The following PRKN variants were observed in gnomAD, a reference collection of about 807,000 sequenced individuals.
PRKN encodes the protein E3 ubiquitin-protein ligase parkin.
PRKN carries 56 observed loss-of-function variants against 59.5 expected under a neutral mutation model. That is an observed-to-expected ratio of 0.94 (90% CI 0.76 to 1.18). The LOEUF (loss-of-function observed/expected upper bound fraction) is 1.18, where lower values mean the gene tolerates loss of function less well. Among genes scored for constraint, PRKN ranks in the 50% most tolerant of loss-of-function variants. The probability of loss-of-function intolerance (pLI) is 0.00; values close to 1 mark genes in which losing one functional copy is unlikely to be tolerated. For missense variants in PRKN, 657 were observed against 596.4 expected (o/e 1.10, Z -1.06); for synonymous variants, 250 against 222.1 (o/e 1.13, Z -1.12).
chr6:162,123,123 A>C (rs1298023092), intron 4 of PRKN, among the ~76,000 whole-genome samples: 1 of 152,154 alleles, frequency 6.6e-6, no homozygotes, highest in Non-Finnish European at 1.5e-5. Context: ...CACAATTTCT[A>C]GGGAAAAACT....
At chr6:162,663,234 T>C (rs763139099) in intron 1 of PRKN, among the ~76,000 whole-genome samples, 1 of 152,128 alleles carries the variant, frequency 6.6e-6, no homozygotes, top group Non-Finnish European at 1.5e-5. Context: ...AATAACCCTG[T>C]GAGGCAGGCA....
intron 7 of PRKN, among the ~76,000 whole-genome samples, chr6:161,712,186 G>C (rs1232958716): frequency 6.6e-6 from 1 of 152,136 alleles, no homozygotes; most frequent in African/African-American, 2.4e-5. Context: ...GAAATCACTT[G>C]GGAGAATATT....
At chr6:162,684,226 T>G (rs1779881884) in intron 1 of PRKN, among the ~76,000 whole-genome samples, 1 of 152,130 alleles carries the variant, frequency 6.6e-6, no homozygotes, top group Non-Finnish European at 1.5e-5. Flanking sequence ...TTATCTTTGT[T>G]GAAGTATGCC....
At chr6:162,609,578 C>G (rs1236320045) in intron 1 of PRKN, among the ~76,000 whole-genome samples, 1 of 152,114 alleles carries the variant, frequency 6.6e-6, no homozygotes, top group African/African-American at 2.4e-5. Flanking sequence ...CTCAAACTGC[C>G]TTTTTAGGTA....
chr6:161,656,595 C>A (rs909680988), intron 7 of PRKN, among the ~76,000 whole-genome samples: 1 of 152,108 alleles, frequency 6.6e-6, no homozygotes, highest in Admixed American at 6.5e-5. Flanking sequence ...ACGTTTCAGT[C>A]CTTTAACCAG....
At chr6:162,040,459 G>T (rs1167779586) in intron 5 of PRKN, among the ~76,000 whole-genome samples, 1 of 149,946 alleles carries the variant, frequency 6.7e-6, no homozygotes, top group African/African-American at 2.5e-5. Context: ...AGGCTGGAGT[G>T]CAATGGCACG....
At chr6:162,433,733 T>A (rs956242572) in intron 2 of PRKN, among the ~76,000 whole-genome samples, 1 of 152,180 alleles carries the variant, frequency 6.6e-6, no homozygotes, top group Non-Finnish European at 1.5e-5. Context: ...ATGTTTTTGA[T>A]GAATTACGCA....
intron 5 of PRKN, among the ~76,000 whole-genome samples, chr6:161,985,871 C>T (rs1384313971): frequency 3.3e-5 from 5 of 152,126 alleles, no homozygotes; most frequent in Non-Finnish European, 7.3e-5. Context: ...GTGGTTTGAG[C>T]TCAGCAGGAT....
chr6:162,498,183 T>A (rs1050001220), intron 1 of PRKN, among the ~76,000 whole-genome samples: 2 of 152,112 alleles, frequency 1.3e-5, no homozygotes, highest in African/African-American at 4.8e-5. Context: ...TTTGTGCTTA[T>A]TGCTACTTAC....
Position 161,414,922 on chromosome 6 carries a change from C to T in PRKN, c.1084-28045G>A, listed in dbSNP as rs757893229. Among the ~76,000 whole-genome samples, 2 of 152,194 alleles carry T rather than the reference C, an allele frequency of 1.3e-5. No individual in the cohort carries two copies. The highest frequency in any genetic ancestry group is 2.4e-5 in the African/African-American group (1 of 41,428). On this transcript the variant is annotated intron_variant, in intron 9 of 11. Transcript: ENST00000366898. This position sits in a 1 kb window ranked among gnomAD's most constrained non-coding sequence, Gnocchi z 5.3. ...AAATGCCTTTTGAAAGGGAGCTAGG[C>T]ATAGGAGGAATTCACTTTCTTCCAC...
intron 7 of PRKN, among the ~76,000 whole-genome samples, chr6:161,654,488 G>C (rs1468046727): frequency 2.0e-5 from 3 of 152,172 alleles, no homozygotes; most frequent in Non-Finnish European, 4.4e-5. Context: ...GAGGATAGAA[G>C]ACGATCAAGG....
chr6:162,701,986 G>C (rs888976121), intron 1 of PRKN, among the ~76,000 whole-genome samples: 1 of 151,214 alleles, frequency 6.6e-6, no homozygotes, highest in Admixed American at 6.6e-5. Context: ...TTAAACCAAG[G>C]GTTTTAAAAA....
chr6:162,282,367 G>A (rs1184800623), intron 2 of PRKN, among the ~76,000 whole-genome samples: 1 of 149,940 alleles, frequency 6.7e-6, no homozygotes, highest in Non-Finnish European at 1.5e-5. Context: ...TTCACTCAAA[G>A]TGATAAAAAT....
chr6:161,638,810 C>T (rs1001613974), intron 7 of PRKN, among the ~76,000 whole-genome samples: 5 of 142,846 alleles, frequency 3.5e-5, no homozygotes, highest in South Asian at 2.2e-4. Flanking sequence ...GGCACGATCT[C>T]GGCTTACTGC....
intron 2 of PRKN, among the ~76,000 whole-genome samples, chr6:162,312,672 A>C (rs149461005): frequency 6.6e-6 from 1 of 152,178 alleles, no homozygotes; most frequent in African/African-American, 2.4e-5. Flanking sequence ...AAGTTCATTT[A>C]CATAAGTGGT....
chr6:161,564,258 A>G (rs1372314135), intron 8 of PRKN, among the ~76,000 whole-genome samples: 1 of 152,174 alleles, frequency 6.6e-6, no homozygotes, highest in Non-Finnish European at 1.5e-5. Flanking sequence ...TGTCATGAAT[A>G]ATCAGGATAT....
rs558617330 is a variant in PRKN at position 162,158,539 on chromosome 6, C to T, written c.534+42592G>A. ...CTCCGCCTCCCGGGTTTAAGCAATT[C>T]TCCTGCCTCATCCTCCAGAGTAGCT... On this transcript the variant is annotated intron_variant, in intron 4 of 11. Coordinates refer to ENST00000366898, the MANE Select transcript of PRKN (RefSeq NM_004562.3). Among the ~76,000 whole-genome samples, 295 of 151,774 alleles carry T rather than the reference C, an allele frequency of 1.9e-3. 2 individuals are homozygous for T. The highest frequency in any genetic ancestry group is 2.1e-3 in the Non-Finnish European group (140 of 67,988).
chr6:162,519,281 C>T (rs540006117), intron 1 of PRKN, among the ~76,000 whole-genome samples: 7 of 152,158 alleles, frequency 4.6e-5, no homozygotes, highest in Non-Finnish European at 8.8e-5. Flanking sequence ...GGCATGCTGT[C>T]GGAGTACAGA....
chr6:161,814,468 G>T (rs186664581), intron 6 of PRKN, among the ~76,000 whole-genome samples: 2 of 152,304 alleles, frequency 1.3e-5, no homozygotes, highest in Admixed American at 6.5e-5. Flanking sequence ...TGTCTTACAT[G>T]GTGGCAGGTA....
Sources: allele counts gnomAD v4.1 joint callset (sites outside exome capture counted in the v4.1 genomes callset), GRCh38; gene constraint gnomAD v4.1.1; non-coding constraint Gnocchi (gnomAD v3.1); transcripts MANE v1.5; gene names NCBI Gene and HGNC (gene_info 2026-07-23, HGNC 2026-07-21).